The following ADGRF4 variants were observed in gnomAD, a reference collection of about 807,000 sequenced individuals.
The protein encoded by ADGRF4 is G-protein coupled receptor PGR18.
Under a neutral mutation model 58.5 loss-of-function variants are expected in ADGRF4, and 63 were observed. That is an observed-to-expected ratio of 1.08 (90% confidence interval 0.88 to 1.33). The LOEUF (loss-of-function observed/expected upper bound fraction) is 1.33, where lower values mean the gene tolerates loss of function less well. Among genes scored for constraint, ADGRF4 ranks in the 40% most tolerant of loss-of-function variants. The probability of loss-of-function intolerance (pLI) is 0.00; values close to 1 mark genes in which losing one functional copy is unlikely to be tolerated. For synonymous variants in ADGRF4, 313 were observed against 295.4 expected, an observed-to-expected ratio of 1.06 and a Z score of -0.61; for missense variants, 931 against 843.9, an observed-to-expected ratio of 1.10 and a Z score of -1.28.
At chr6:47,708,810 C>A (rs1771789315) in intron 3 of ADGRF4, among the ~76,000 whole-genome samples, 1 of 152,096 alleles carries the variant, frequency 6.6e-6, no homozygotes, top group Non-Finnish European at 1.5e-5. Context: ...GGATTCTGCA[C>A]AATTATGGCC....
rs1478096317 is a variant in ADGRF4, at chr6:47,710,774, G to A, written c.188G>A (p.Ser63Asn). ...EGPCISSSNC[S>N]QPCAKDFHGE... ...CCTTGTATTTCTTCTTCCAACTGCA[G>A]CCAGCCCTGTGCTAAGGACTTTCAT... Residue 63 changes from serine (S) to asparagine (N), a missense_variant, in exon 4 of 10, where the codon AGC becomes AAC. By Grantham distance (46) the Ser-to-Asn change is conservative. Coordinates refer to ENST00000283303, the MANE Select transcript of ADGRF4 (RefSeq NM_153838.5). 6.2e-7 allele frequency: 1 copy of A among 1,611,140 alleles called. No homozygotes were observed. Among genetic ancestry groups the A allele is most frequent in the Admixed American group, 1.7e-5 (1 of 59,486 alleles).
chr6:47,710,429 C>A (rs930969193), intron 3 of ADGRF4, among the ~76,000 whole-genome samples: 2 of 152,182 alleles, frequency 1.3e-5, no homozygotes, highest in Non-Finnish European at 2.9e-5. Context: ...GCATTCAAGG[C>A]CCTGCATGAG....
At chr6:47,708,117 C>G in intron 2 of ADGRF4, 107 bp from the exon 3 acceptor site, 1 of 780,178 alleles carries the variant, frequency 1.3e-6, no homozygotes, top group Non-Finnish European at 2.2e-6. Context: ...AGTTTTCTTT[C>G]TAGTCCTGAA....
At position 47,714,193 on chromosome 6, in the gene ADGRF4, A is replaced by G. The variant is rs752263869; in HGVS notation, c.948A>G (p.Val316=). Residue 316 remains valine, a synonymous_variant, in exon 6 of 10, where the codon GTA becomes GTG. Transcript: ENST00000283303. ...AAAATGTGAGTCTTCCCAGACAGGTAAATGGTCTGGTGCTATCAGTGGTTT... is the reference window on the plus strand; with the variant it reads ...AAAATGTGAGTCTTCCCAGACAGGTGAATGGTCTGGTGCTATCAGTGGTTT... ...HLQNVSLPRQ[V]NGLVLSVVLP... is the part of the protein sequence containing the mutation. The G allele has an allele frequency of 6.2e-7, 1 of 1,614,108 alleles. No individual in the cohort carries two copies. The highest frequency in any genetic ancestry group is 8.5e-7 in the Non-Finnish European group (1 of 1,180,004).
chr6:47,706,939 GTTAA>G (rs1201242210), intron 1 of ADGRF4, among the ~76,000 whole-genome samples: 1 of 152,214 alleles, frequency 6.6e-6, no homozygotes, highest in East Asian at 1.9e-4. Flanking sequence ...AAATAAACTT[GTTAA>G]TTAAATAATA....
intron 1 of ADGRF4, among the ~76,000 whole-genome samples, chr6:47,702,479 G>T (rs1771612640): frequency 6.6e-6 from 1 of 152,182 alleles, no homozygotes; most frequent in Admixed American, 6.5e-5. Context: ...CTATATAAAT[G>T]CCTTCAAGGT....
intron 7 of ADGRF4, 113 bp downstream of exon 7, chr6:47,716,960 A>C (rs1772034929): frequency 2.6e-6 from 2 of 756,628 alleles, no homozygotes; most frequent in Admixed American, 4.6e-5. Flanking sequence ...GTTTGTGAGG[A>C]TGGTTCAAGG....
At position 47,714,071 on chromosome 6, in the gene ADGRF4, C is replaced by T. The variant is rs1380109055; in HGVS notation, c.826C>T (p.Pro276Ser). The T allele has an allele frequency of 1.1e-5, 17 of 1,613,860 alleles. No individual in the cohort carries two copies. The highest frequency in any genetic ancestry group is 1.2e-5 in the Non-Finnish European group (14 of 1,179,998). Residue 276 changes from proline to serine, a missense_variant, in exon 6 of 10, where the codon CCC (proline) becomes TCC (serine). Pro to Ser is a moderately conservative substitution (Grantham distance 74, BLOSUM62 -1). Transcript: ENST00000283303. ...AGATATCTTAGGAATGGTACAGATT[C>T]CCAGGCAAGAGCTAAGGAAGCTGTG... The part of the protein sequence containing the change: ...TEDILGMVQI[P>S]RQELRKLWPN...
Position 47,714,817 on chromosome 6 carries a change from G to A in ADGRF4, c.1572G>A (p.Gly524=), listed in dbSNP as rs976276404. ...TCATTGGCTTTGCCATTGGCTATGG[G>A]TGCCCATTGATCATTGCTGTCACTA... is the stretch of plus-strand genomic sequence containing the variant. ...MMVIGFAIGY[G]CPLIIAVTTV... The change falls in exon 6 of 10, where the codon GGG becomes GGA. Residue 524 remains glycine, a synonymous_variant. Transcript: ENST00000283303. 2.5e-6 allele frequency: 4 copies of A among 1,613,438 alleles called. No individual in the cohort carries two copies. Among genetic ancestry groups the A allele is most frequent in the Non-Finnish European group, 3.4e-6 (4 of 1,179,406 alleles).
chr6:47,718,333 T>A (rs760590638), intron 8 of ADGRF4, 56 bp from the exon 9 acceptor site: 2 of 907,106 alleles, frequency 2.2e-6, no homozygotes, highest in South Asian at 2.6e-5. Context: ...GAGAGGGATA[T>A]ACATTTTGTC....
In ADGRF4 at chr6:47,714,361, C is replaced by T. The variant is rs777397219; in HGVS notation, c.1116C>T (p.Asn372=). ...GCCAAATGATGTTGGATATCAGGAA[C>T]GAAGTGAAATGCCGCTGTAACTACA... is the stretch of plus-strand genomic sequence containing the variant. The part of the protein sequence containing the change: ...KACQMMLDIR[N]EVKCRCNYTS... The change falls in exon 6 of 10, where the codon AAC becomes AAT. Residue 372 remains asparagine, a synonymous_variant. Transcript: ENST00000283303. 2.0e-5 allele frequency: 32 copies of T among 1,613,994 alleles called. No homozygotes were observed. The highest frequency in any genetic ancestry group is 8.3e-5 in the Admixed American group (5 of 60,006).
chr6:47,710,095 C>A lies in ADGRF4; in HGVS notation c.149-640C>A, dbSNP rs373107660. 1.8e-4 allele frequency among the ~76,000 whole-genome samples: 28 copies of A among 152,254 alleles called. No individual in the cohort carries two copies. In the East Asian group the frequency reaches 2.3e-3, roughly 13 times the overall value. ...GGTATCTTTATATAGAAACACACAT[C>A]AAACAAGGTCATATATTGATTAGTT... is the stretch of plus-strand genomic sequence containing the variant. On this transcript the variant is annotated intron_variant, in intron 3 of 9. Coordinates refer to ENST00000283303, the MANE Select transcript of ADGRF4 (RefSeq NM_153838.5).
At chr6:47,706,507 T>TG (rs1771713680) in intron 1 of ADGRF4, among the ~76,000 whole-genome samples, 1 of 152,166 alleles carries the variant, frequency 6.6e-6, no homozygotes, top group South Asian at 2.1e-4. Flanking sequence ...GGTTCTCAAC[T>TG]GGGGGAGGTC....
chr6:47,714,362 G>C lies in ADGRF4; in HGVS notation c.1117G>C (p.Glu373Gln). 1 of 1,614,168 alleles carries C rather than the reference G, an allele frequency of 6.2e-7. No individual in the cohort carries two copies. Among genetic ancestry groups the C allele is most frequent in the Non-Finnish European group, 8.5e-7 (1 of 1,180,012 alleles). The stretch of plus-strand genomic sequence containing the variant: ...CCAAATGATGTTGGATATCAGGAAC[G>C]AAGTGAAATGCCGCTGTAACTACAC... The part of the protein sequence containing the change: ...ACQMMLDIRN[E>Q]VKCRCNYTSV... Residue 373 changes from glutamate (E) to glutamine (Q), a missense_variant, in exon 6 of 10, where the codon GAA becomes CAA. Transcript: ENST00000283303.
Position 47,718,429 on chromosome 6 carries a change from A to G in ADGRF4, c.2075A>G (p.Asn692Ser), listed in dbSNP as rs1428749134. 5 of 1,578,072 alleles carry G rather than the reference A, an allele frequency of 3.2e-6. No individual in the cohort carries two copies. The highest frequency in any genetic ancestry group is 1.1e-5 in the South Asian group (1 of 90,310). Residue 692 changes from asparagine to serine, a missense_variant, in exon 9 of 10, where the codon AAT becomes AGT. By Grantham distance (46) the Asn-to-Ser change is conservative. Coordinates refer to ENST00000283303, the MANE Select transcript of ADGRF4 (RefSeq NM_153838.5). ...CCAACCAATGGATCTAAATTAATGA[A>G]TCGTCAAGGATGAAATGTGAGTATT... Reference protein sequence around the residue: ...LGPTNGSKLMNRQG With the variant: ...LGPTNGSKLMSRQG
In ADGRF4 at chr6:47,721,666, G is replaced by T. The variant is rs1272637569; in HGVS notation, c.*461G>T. The T allele has an allele frequency of 1.3e-5, 2 of 152,194 alleles. No individual in the cohort carries two copies. Among genetic ancestry groups the T allele is most frequent in the East Asian group, 1.9e-4 (1 of 5,186 alleles). The allele number at this position is 152,194 out of a possible 1,614,324, so 9.4% of individuals were successfully genotyped here. ...CGATCCAATTTTAGGGGTAGGGTTG[G>T]GGGTGGGAGTGGGAGTGTGGGTTGG... On this transcript the variant is annotated 3_prime_UTR_variant, in exon 10 of 10. Coordinates refer to ENST00000283303, the MANE Select transcript of ADGRF4 (RefSeq NM_153838.5).
intron 9 of ADGRF4, 63 bp downstream of exon 9, chr6:47,718,508 TTGTGACCACACTATTGCCTGC>T (rs939565106): frequency 1.1e-6 from 1 of 912,214 alleles, no homozygotes; most frequent in African/African-American, 1.6e-5. Flanking sequence ...CCAATGCCCC[TTGTGACCACACTATTGCCTGC>T]TACGTGCTGC....
chr6:47,714,560 C>T lies in ADGRF4; in HGVS notation c.1315C>T (p.Arg439Cys), dbSNP rs536284658. ...RVVVTEISYM[R>C]HVCIVNIAVS... ...GGTTGTGACGGAGATATCATACATG[C>T]GTCACGTGTGCATCGTGAATATAGC... Residue 439 changes from arginine (R) to cysteine (C), a missense_variant, in exon 6 of 10, where the codon CGT (arginine) becomes TGT (cysteine). Transcript: ENST00000283303. 21 of 1,614,044 alleles carry T rather than the reference C, an allele frequency of 1.3e-5. No individual in the cohort carries two copies. The highest frequency in any genetic ancestry group is 1.6e-4 in the Middle Eastern group (1 of 6,062).
chr6:47,708,152 G>A (rs2113898628), intron 2 of ADGRF4, 72 bp from the exon 3 acceptor site: 3 of 1,105,022 alleles, frequency 2.7e-6, no homozygotes, highest in South Asian at 2.6e-5. Flanking sequence ...ATATTCATAT[G>A]GAGCCTCTAA....
Sources: allele counts gnomAD v4.1 joint callset (sites outside exome capture counted in the v4.1 genomes callset), GRCh38; gene constraint gnomAD v4.1.1; transcripts MANE v1.5; gene names NCBI Gene and HGNC (gene_info 2026-07-23, HGNC 2026-07-21).